Variants in MAPKAPK2 observed in about 807,000 individuals in gnomAD.
MAPKAPK2 encodes MAP kinase-activated protein kinase 2.
A neutral mutation model predicts 48.8 loss-of-function variants in MAPKAPK2; 9 were observed. The ratio of observed to expected loss-of-function variants is 0.18; its 90% CI spans 0.11 to 0.32. The LOEUF is 0.32. MAPKAPK2 is among the 10% of genes least tolerant of loss of function. MAPKAPK2 has a pLI of 1.00. For synonymous variants in MAPKAPK2, 202 were observed against 190.6 expected, an observed-to-expected ratio of 1.06 and a Z score of -0.49; for missense variants, 331 against 498.3, an observed-to-expected ratio of 0.66 and a Z score of 3.20.
At chr1:206,711,240 T>G (rs1443027979) in intron 1 of MAPKAPK2, among the ~76,000 whole-genome samples, 1 of 152,110 alleles carries the variant, frequency 6.6e-6, no homozygotes, top group Non-Finnish European at 1.5e-5. Flanking sequence ...TTCATGGAAG[T>G]TTTTTTTGTT....
intron 1 of MAPKAPK2, among the ~76,000 whole-genome samples, chr1:206,697,395 G>T (rs1224209561): frequency 6.6e-6 from 1 of 152,188 alleles, no homozygotes; most frequent in East Asian, 1.9e-4. Flanking sequence ...GAGAAAAGAG[G>T]TTTATTGCTC....
chr1:206,712,962 T>TCACACA (rs58379967), intron 1 of MAPKAPK2, among the ~76,000 whole-genome samples: 9,078 of 112,168 alleles, frequency 0.081, 648 homozygotes, highest in African/African-American at 0.15. Flanking sequence ...TGAGACTCCA[T>TCACACA]CACACACACA....
At chr1:206,717,637 C>T (rs1252285799) in intron 1 of MAPKAPK2, among the ~76,000 whole-genome samples, 1 of 152,154 alleles carries the variant, frequency 6.6e-6, no homozygotes, top group Non-Finnish European at 1.5e-5. Context: ...TATGCAAGGC[C>T]TCTCTTCCTC....
rs941786201 is a variant in MAPKAPK2 at position 206,731,879 on chromosome 1, G to A, written c.1019G>A (p.Arg340Gln). 7.4e-6 allele frequency: 12 copies of A among 1,613,930 alleles called. No individual in the cohort carries two copies. The highest frequency in any genetic ancestry group is 9.3e-6 in the Non-Finnish European group (11 of 1,180,000). ...KVPQTPLHTS[R>Q]VLKEDKERWE... ...CCTCAAACCCCACTGCACACCAGCCGGGTCCTGAAGGAGGACAAGGAGCGG... is the reference window on the plus strand; with the variant it reads ...CCTCAAACCCCACTGCACACCAGCCAGGTCCTGAAGGAGGACAAGGAGCGG... The change falls in exon 9 of 10, where the codon CGG (arginine) becomes CAG (glutamine). Residue 340 changes from arginine (R) to glutamine (Q), a missense_variant. Physicochemically the swap from Arg to Gln is conservative, Grantham distance 43. Coordinates refer to ENST00000367103, the MANE Select transcript of MAPKAPK2 (RefSeq NM_032960.4). This position sits in a 1 kb window ranked among gnomAD's most constrained non-coding sequence, Gnocchi z 5.9.
chr1:206,707,159 G>C (rs140059200), intron 1 of MAPKAPK2, among the ~76,000 whole-genome samples: 2,089 of 152,194 alleles, frequency 0.014, 24 homozygotes, highest in Non-Finnish European at 0.019. Context: ...GTATCCTGTT[G>C]TCCTGCATGA....
rs1430077907 is a variant in MAPKAPK2, at chr1:206,685,121, C to T, written c.-109C>T. The T allele has an allele frequency of 1.7e-4, 37 of 211,776 alleles. No individual in the cohort carries two copies. The highest frequency in any genetic ancestry group is 8.5e-4 in the African/African-American group (36 of 42,398). The allele number at this position is 211,776 out of a possible 1,614,324, so 13.1% of individuals were successfully genotyped here. ...GCCGGGTCGGGGAAGCCGGCTCCAGCCCGGAGCGAACTTCGCAGCCCGTCG... is the reference window on the plus strand; with the variant it reads ...GCCGGGTCGGGGAAGCCGGCTCCAGTCCGGAGCGAACTTCGCAGCCCGTCG... On this transcript the variant is annotated 5_prime_UTR_variant, in exon 1 of 10. Transcript: ENST00000367103.
rs181079920 is a variant in MAPKAPK2, at chr1:206,702,958, T to G, written c.279+17450T>G. On this transcript the variant is annotated intron_variant, in intron 1 of 9. Transcript: ENST00000367103. ...GAACTGCCTCCCTCCTCTGCCCTAG[T>G]GAGGGTTCATTCTGCCTGCATGACT... is the stretch of plus-strand genomic sequence containing the variant. 1.4e-4 allele frequency among the ~76,000 whole-genome samples: 21 copies of G among 152,344 alleles called. No homozygotes were observed. In the East Asian group the frequency reaches 3.7e-3, roughly 27 times the overall value.
intron 1 of MAPKAPK2, among the ~76,000 whole-genome samples, chr1:206,702,282 C>A (rs1341311986): frequency 6.6e-6 from 1 of 152,240 alleles, no homozygotes; most frequent in African/African-American, 2.4e-5. Flanking sequence ...CATCTTCATC[C>A]TTGCACTCAG....
chr1:206,713,112 A>G lies in MAPKAPK2; in HGVS notation c.280-15598A>G, dbSNP rs1673211329. Among the ~76,000 whole-genome samples the G allele has an allele frequency of 4.6e-5, 7 of 152,204 alleles. No individual in the cohort carries two copies. The South Asian group carries it at 1.4e-3, about 32-fold the overall frequency. On this transcript the variant is annotated intron_variant, in intron 1 of 9. Coordinates refer to ENST00000367103, the MANE Select transcript of MAPKAPK2 (RefSeq NM_032960.4). ...CGGGTCTAGGATTTGAAATCAAAAG[A>G]TGAACAAGACATTGTCCCAGCTTCC...
At chr1:206,696,388 A>G in intron 1 of MAPKAPK2, 1 of 639,172 alleles carries the variant, frequency 1.6e-6, no homozygotes, top group Non-Finnish European at 2.8e-6. Context: ...TCTTATTTTC[A>G]TGTAGTGACC....
In MAPKAPK2 at chr1:206,731,705, A is replaced by G. The variant is rs782279440; in HGVS notation, c.958A>G (p.Met320Val). ...PTQRMTITEF[M>V]NHPWIMQSTK... ...CCAGAGAATGACCATCACCGAGTTT[A>G]TGAACCACCCTTGGATCATGGTAAG... is the stretch of plus-strand genomic sequence containing the variant. The change falls in exon 8 of 10, where the codon ATG becomes GTG. Residue 320 changes from methionine to valine, a missense_variant. Physicochemically the swap from Met to Val is conservative, Grantham distance 21 (BLOSUM62 1). Transcript: ENST00000367103. This position sits in a 1 kb window ranked among gnomAD's most constrained non-coding sequence, Gnocchi z 5.9. 1 of 1,614,104 alleles carries G rather than the reference A, an allele frequency of 6.2e-7. No homozygotes were observed. Among genetic ancestry groups the G allele is most frequent in the Non-Finnish European group, 8.5e-7 (1 of 1,179,994 alleles).
chr1:206,709,368 G>A (rs1442688610), intron 1 of MAPKAPK2, among the ~76,000 whole-genome samples: 2 of 152,060 alleles, frequency 1.3e-5, no homozygotes, highest in African/African-American at 2.4e-5. Flanking sequence ...CAGATGTGTT[G>A]CCCAGAACTG....
chr1:206,719,900 G>A (rs575325061), intron 1 of MAPKAPK2, among the ~76,000 whole-genome samples: 11 of 152,334 alleles, frequency 7.2e-5, no homozygotes, highest in African/African-American at 2.4e-4. Flanking sequence ...TTTTCTTTGA[G>A]CTTGTTTTTG....
chr1:206,685,708 C>T (rs1341830319), intron 1 of MAPKAPK2, among the ~76,000 whole-genome samples, 200 bp downstream of exon 1: 2 of 150,132 alleles, frequency 1.3e-5, no homozygotes, highest in Admixed American at 6.6e-5. Flanking sequence ...TGACCGCTTC[C>T]GGCCGCTCCC....
chr1:206,706,059 C>T (rs1229014029), intron 1 of MAPKAPK2, among the ~76,000 whole-genome samples: 4 of 152,130 alleles, frequency 2.6e-5, no homozygotes, highest in African/African-American at 7.2e-5. Flanking sequence ...AGCTACTCTT[C>T]CTGAGGATTA....
At chr1:206,709,843 A>G (rs1490408188) in intron 1 of MAPKAPK2, among the ~76,000 whole-genome samples, 2 of 152,136 alleles carry the variant, frequency 1.3e-5, no homozygotes, top group African/African-American at 4.8e-5. Context: ...CCTGGCCTCT[A>G]CCCACTTGAT....
At position 206,685,320 on chromosome 1, in the gene MAPKAPK2, C is replaced by G. The variant is rs1672247473; in HGVS notation, c.91C>G (p.Pro31Ala). ...PQPPTPALPH[P>A]PAQPPPPPPQ... is the part of the protein sequence containing the mutation. ...GCCCCCCACCCCTGCCCTGCCGCAC[C>G]CCCCGGCGCAGCCGCCGCCGCCGCC... is the stretch of plus-strand genomic sequence containing the variant. Residue 31 changes from proline to alanine, a missense_variant, in exon 1 of 10, where the codon CCC becomes GCC. Physicochemically the swap from Pro to Ala is conservative, Grantham distance 27. This residue lies in a region of MAPKAPK2 where 93 missense variants were observed against 81.0 expected (regional missense o/e 1.15). Transcript: ENST00000367103. The G allele has an allele frequency of 2.9e-6, 4 of 1,384,400 alleles. No homozygotes were observed. The highest frequency in any genetic ancestry group is 3.8e-6 in the Non-Finnish European group (4 of 1,043,022). The allele number at this position is 1,384,400 out of a possible 1,614,324, so 85.8% of individuals were successfully genotyped here. A position where few individuals can be genotyped will look rare whatever the true frequency, so the allele number is the denominator to read the frequency against.
intron 1 of MAPKAPK2, among the ~76,000 whole-genome samples, chr1:206,708,272 C>T (rs1490914781): frequency 6.6e-6 from 1 of 152,212 alleles, no homozygotes; most frequent in Non-Finnish European, 1.5e-5. Context: ...CTCCTGTGAC[C>T]TCCCAGCCAC....
At chr1:206,728,495 C>T (rs1673781217) in intron 1 of MAPKAPK2, among the ~76,000 whole-genome samples, 1 of 151,774 alleles carries the variant, frequency 6.6e-6, no homozygotes, top group South Asian at 2.1e-4. Flanking sequence ...CTCAGTGTAG[C>T]TGTCAAGGCC....
Sources: gnomAD v4.1 joint callset for allele counts (sites outside exome capture counted in the v4.1 genomes callset) on GRCh38, gnomAD v4.1.1 for gene constraint, gnomAD v4.1.1 regional missense constraint, Gnocchi (gnomAD v3.1) non-coding constraint, MANE v1.5 for transcripts, NCBI Gene and HGNC (gene_info 2026-07-23, HGNC 2026-07-21) for gene names.